DCUN1D2: variants seen among roughly 807,000 people sequenced by gnomAD.
The protein encoded by DCUN1D2 is defective in cullin neddylation 1 domain containing 2, also known as DCN1-like protein 2.
Under a neutral mutation model 30.9 loss-of-function variants are expected in DCUN1D2, and 29 were observed. The observed-to-expected ratio is 0.94, with a 90% confidence interval of 0.70 to 1.28. The LOEUF is 1.28. Ranked by LOEUF, DCUN1D2 falls within the 50% of genes most tolerant of loss-of-function variation. DCUN1D2 has a pLI of 0.00. For synonymous variants in DCUN1D2, 121 were observed against 115.3 expected, an observed-to-expected ratio of 1.05 and a Z score of -0.32; for missense variants, 325 against 316.9, an observed-to-expected ratio of 1.03 and a Z score of -0.19.
chr13:113,485,835 C>T lies in DCUN1D2; in HGVS notation c.4-1779G>A, dbSNP rs542211450. Among the ~76,000 whole-genome samples the T allele has an allele frequency of 1.2e-4, 19 of 152,244 alleles. No homozygotes were observed. In the East Asian group the frequency reaches 2.9e-3, roughly 23 times the overall value. On this transcript the variant is annotated intron_variant, in intron 1 of 6. Coordinates refer to ENST00000478244, the MANE Select transcript of DCUN1D2 (RefSeq NM_001014283.2). Reference sequence around the variant, plus strand: ...GAACTACCTTCCCGAGCGTCCTAAGCCGCCACCAGCCTTGCTCACTCTCAT... The same window carrying T: ...GAACTACCTTCCCGAGCGTCCTAAGTCGCCACCAGCCTTGCTCACTCTCAT...
chr13:113,480,483 A>G, intron 3 of DCUN1D2, 92 bp downstream of exon 3: 1 of 1,338,452 alleles, frequency 7.5e-7, no homozygotes, highest in Non-Finnish European at 1.0e-6. Context: ...GAAAATAAGC[A>G]GATATGAAAT....
chr13:113,483,853 G>A lies in DCUN1D2; in HGVS notation c.207C>T (p.Tyr69=), dbSNP rs751816256. ...GTCTCCTCTTACCTTTGTACCTGCCGTACAGCCGCTCCAGCTTCTTCTTGT... is the reference window on the plus strand; with the variant it reads ...GTCTCCTCTTACCTTTGTACCTGCCATACAGCCGCTCCAGCTTCTTCTTGT... The part of the protein sequence containing the change: ...AVDKKKLERL[Y]GRYKDPQDEN... The change falls in exon 2 of 7, where the codon TAC becomes TAT. Residue 69 remains tyrosine (Y), a synonymous_variant. Transcript: ENST00000478244. 6 of 1,612,402 alleles carry A rather than the reference G, an allele frequency of 3.7e-6. No homozygotes were observed. The South Asian group carries it at 4.4e-5, about 12-fold the overall frequency.
intron 3 of DCUN1D2, among the ~76,000 whole-genome samples, chr13:113,474,689 C>T (rs1259070500): frequency 2.0e-5 from 3 of 152,072 alleles, no homozygotes; most frequent in East Asian, 3.9e-4. Flanking sequence ...CCCTGCCCTG[C>T]GGTGACAGGG....
chr13:113,466,826 TGA>T (rs1246633861), intron 4 of DCUN1D2, among the ~76,000 whole-genome samples: 1 of 138,106 alleles, frequency 7.2e-6, no homozygotes, highest in Non-Finnish European at 1.5e-5. Flanking sequence ...TTTTTTTTTT[TGA>T]GAGAGTCCTG....
At chr13:113,486,238 C>A (rs750526904) in intron 1 of DCUN1D2, among the ~76,000 whole-genome samples, 10 of 152,002 alleles carry the variant, frequency 6.6e-5, no homozygotes, top group Non-Finnish European at 1.3e-4. Flanking sequence ...CCTAAGTGAA[C>A]TGGCGCAGGA....
intron 1 of DCUN1D2, among the ~76,000 whole-genome samples, chr13:113,484,542 ATAAC>A (rs1350137368): frequency 6.6e-6 from 1 of 152,210 alleles, no homozygotes; most frequent in Admixed American, 6.5e-5. Flanking sequence ...ATGTACACAA[ATAAC>A]TAAGAATAGC....
upstream of DCUN1D2, chr13:113,490,751 C>A (rs1422341494): frequency 1.7e-6 from 2 of 1,143,762 alleles, no homozygotes; most frequent in Non-Finnish European, 1.1e-6. This position sits in a 1 kb window ranked among gnomAD's most constrained non-coding sequence, Gnocchi z 5.2. Context: ...CTCGGACGGC[C>A]GCGGCCCTCG....
intron 3 of DCUN1D2, among the ~76,000 whole-genome samples, chr13:113,476,735 TAA>T (rs1352761821): frequency 6.6e-6 from 1 of 152,238 alleles, no homozygotes; most frequent in Non-Finnish European, 1.5e-5. Context: ...TTCATAGTCA[TAA>T]AAGACATTTT....
In DCUN1D2 at chr13:113,474,109, G is replaced by A; in HGVS notation, c.520+15C>T. On this transcript the variant is annotated intron_variant, in intron 4 of 6. Transcript: ENST00000478244. Reference sequence around the variant, plus strand: ...TTATGATCTGGCATTTTACGTATTTGGATTTCATACTCACCTAAACCTTTC... The same window carrying A: ...TTATGATCTGGCATTTTACGTATTTAGATTTCATACTCACCTAAACCTTTC... 1 of 1,605,976 alleles carries A rather than the reference G, an allele frequency of 6.2e-7. No individual in the cohort carries two copies. The highest frequency in any genetic ancestry group is 8.5e-7 in the Non-Finnish European group (1 of 1,173,680).
intron 3 of DCUN1D2, chr13:113,479,083 T>A (rs1466725225): frequency 6.6e-6 from 1 of 152,206 alleles, no homozygotes; most frequent in Non-Finnish European, 1.5e-5. Context: ...TGTTCTGTGT[T>A]TTCTTTTGAA....
rs562902406 is a variant in DCUN1D2, at chr13:113,479,098, A to C, written c.389+1477T>G. On this transcript the variant is annotated intron_variant, in intron 3 of 6. Coordinates refer to ENST00000478244, the MANE Select transcript of DCUN1D2 (RefSeq NM_001014283.2). Reference sequence around the variant, plus strand: ...TGTTCTGTGTTTTCTTTTGAAAAGAATATGTATTCTTAAGCATCGAAGGCA... The same window carrying C: ...TGTTCTGTGTTTTCTTTTGAAAAGACTATGTATTCTTAAGCATCGAAGGCA... 5.9e-5 allele frequency: 9 copies of C among 152,328 alleles called. No homozygotes were observed. In the South Asian group the frequency reaches 1.9e-3, roughly 32 times the overall value. 9.4% of individuals were successfully genotyped at this position (152,328 alleles called of 1,614,324 possible).
chr13:113,490,000 G>A (rs561806271), intron 1 of DCUN1D2, among the ~76,000 whole-genome samples: 70 of 152,118 alleles, frequency 4.6e-4, no homozygotes, highest in South Asian at 8.3e-4. Context: ...GCACCTTGCT[G>A]GCCTCTGAAC....
chr13:113,470,273 C>A (rs893848863), intron 4 of DCUN1D2, among the ~76,000 whole-genome samples: 2 of 152,162 alleles, frequency 1.3e-5, no homozygotes, highest in Non-Finnish European at 2.9e-5. Flanking sequence ...TACTGCTAGG[C>A]GTGCAATAGG....
At chr13:113,467,714 A>T (rs1243730661) in intron 4 of DCUN1D2, among the ~76,000 whole-genome samples, 1 of 152,176 alleles carries the variant, frequency 6.6e-6, no homozygotes, top group Non-Finnish European at 1.5e-5. Flanking sequence ...ATTACCATAC[A>T]TTCCAGTAAT....
intron 4 of DCUN1D2, 30 bp downstream of exon 4, chr13:113,474,094 G>A: frequency 6.2e-7 from 1 of 1,600,514 alleles, no homozygotes; most frequent in Non-Finnish European, 8.6e-7. Flanking sequence ...TTATGATCTG[G>A]CATTTTACGT....
At chr13:113,480,353 T>C (rs2044686854) in intron 3 of DCUN1D2, 2 of 413,684 alleles carry the variant, frequency 4.8e-6, no homozygotes, top group South Asian at 1.0e-4. Context: ...CAAAAGGGAT[T>C]AATATGAAAA....
At chr13:113,481,120 T>C (rs1227290125) in intron 2 of DCUN1D2, among the ~76,000 whole-genome samples, 2 of 152,242 alleles carry the variant, frequency 1.3e-5, no homozygotes, top group African/African-American at 4.8e-5. Context: ...ATTGATAAAG[T>C]ATTTACAATA....
intron 1 of DCUN1D2, among the ~76,000 whole-genome samples, chr13:113,485,199 C>T (rs973860622): frequency 7.9e-5 from 12 of 152,116 alleles, no homozygotes; most frequent in East Asian, 1.9e-4. Context: ...TGGATGCTAA[C>T]GTTTTACAAA....
intron 4 of DCUN1D2, among the ~76,000 whole-genome samples, chr13:113,470,309 G>A (rs1297845849): frequency 1.3e-5 from 2 of 152,186 alleles, no homozygotes; most frequent in African/African-American, 2.4e-5. Flanking sequence ...TTGCAAACAT[G>A]CGCCCTGTGA....
Sources: gnomAD v4.1 joint callset for allele counts (sites outside exome capture counted in the v4.1 genomes callset) on GRCh38, gnomAD v4.1.1 for gene constraint, Gnocchi (gnomAD v3.1) non-coding constraint, MANE v1.5 for transcripts, NCBI Gene and HGNC (gene_info 2026-07-23, HGNC 2026-07-21) for gene names.